PLXDC2: variants seen among roughly 807,000 people sequenced by gnomAD.
The protein encoded by PLXDC2 is plexin domain containing 2.
PLXDC2 carries 40 observed loss-of-function variants against 68.9 expected under a neutral mutation model. The observed-to-expected ratio is 0.58, with a 90% CI of 0.45 to 0.76. PLXDC2 has a LOEUF of 0.76. Among genes scored for constraint, PLXDC2 ranks in the 30% least tolerant of loss-of-function variants. The probability of loss-of-function intolerance (pLI) is 0.00; values close to 1 mark genes in which losing one functional copy is unlikely to be tolerated. For synonymous variants in PLXDC2, 243 were observed against 234.2 expected, an observed-to-expected ratio of 1.04 and a Z score of -0.34; for missense variants, 644 against 661.9, an observed-to-expected ratio of 0.97 and a Z score of 0.30.
chr10:20,149,214 C>CTTTTTT (rs71200985), intron 6 of PLXDC2, among the ~76,000 whole-genome samples: 16 of 112,126 alleles, frequency 1.4e-4, no homozygotes, highest in Middle Eastern at 5.5e-3. Context: ...ATTTTTCTTT[C>CTTTTTT]TTTTTTTTTC....
chr10:20,152,509 T>C (rs932042586), intron 6 of PLXDC2, among the ~76,000 whole-genome samples: 10 of 152,270 alleles, frequency 6.6e-5, no homozygotes, highest in African/African-American at 2.2e-4. Context: ...AGATAGAGTT[T>C]GCTTAGAAAT....
rs76595353 is a variant in PLXDC2 at position 19,832,862 on chromosome 10, C to T, written c.112+15671C>T. On this transcript the variant is annotated intron_variant, in intron 1 of 13. Transcript: ENST00000377252. ...GATTGTCTTGTGGTTGCTAAAAGGA[C>T]GCTTTTGACGCCAGATGGGCTTGAG... is the stretch of plus-strand genomic sequence containing the variant. Among the ~76,000 whole-genome samples, 1,006 of 152,286 alleles carry T rather than the reference C, an allele frequency of 6.6e-3. 10 individuals are homozygous for T. Among genetic ancestry groups the T allele is most frequent in the African/African-American group, 0.022 (925 of 41,556 alleles).
At chr10:19,966,172 G>C (rs1834245419) in intron 1 of PLXDC2, among the ~76,000 whole-genome samples, 1 of 143,140 alleles carries the variant, frequency 7.0e-6, no homozygotes. Flanking sequence ...ACATATACAT[G>C]TGTATATATA....
chr10:19,890,464 G>C (rs1037915062), intron 1 of PLXDC2, among the ~76,000 whole-genome samples: 1 of 151,154 alleles, frequency 6.6e-6, no homozygotes, highest in Admixed American at 6.6e-5. Flanking sequence ...ATGAGTTCCT[G>C]ATGTTTAGCT....
chr10:19,834,354 A>AGAGAGT (rs376125037), intron 1 of PLXDC2, among the ~76,000 whole-genome samples: 4,465 of 147,638 alleles, frequency 0.03, 126 homozygotes, highest in African/African-American at 0.091. Context: ...AGAGAGAGAG[A>AGAGAGT]GTGTGTGTGT....
intron 3 of PLXDC2, among the ~76,000 whole-genome samples, chr10:20,050,173 G>A (rs946525232): frequency 6.6e-6 from 1 of 151,970 alleles, no homozygotes; most frequent in Non-Finnish European, 1.5e-5. Context: ...GCAGATTGAA[G>A]CTGGATCCCT....
At chr10:19,955,532 G>T (rs924286290) in intron 1 of PLXDC2, among the ~76,000 whole-genome samples, 3 of 152,088 alleles carry the variant, frequency 2.0e-5, no homozygotes, top group Non-Finnish European at 2.9e-5. Context: ...CTTCATTCAG[G>T]TTAAGTGGCT....
intron 1 of PLXDC2, among the ~76,000 whole-genome samples, chr10:19,818,238 G>A (rs537395506): frequency 2.3e-4 from 29 of 128,768 alleles, no homozygotes; most frequent in African/African-American, 7.8e-4. Flanking sequence ...GTGTGTGTGT[G>A]TGTGTGTGTG....
intron 12 of PLXDC2, among the ~76,000 whole-genome samples, chr10:20,224,166 A>G (rs7076909): frequency 0.23 from 34,918 of 151,534 alleles, 4,081 homozygotes; most frequent in African/African-American, 0.27. Context: ...TAGAAATGGG[A>G]TTACGCCATG....
At chr10:20,260,414 TA>T (rs1835795282) in intron 13 of PLXDC2, among the ~76,000 whole-genome samples, 1 of 152,196 alleles carries the variant, frequency 6.6e-6, no homozygotes, top group Non-Finnish European at 1.5e-5. Flanking sequence ...ATTGATCTTT[TA>T]AAAAATTCCA....
chr10:20,189,542 TAC>T (rs371344350), intron 9 of PLXDC2, among the ~76,000 whole-genome samples: 30,215 of 118,862 alleles, frequency 0.25, 4,468 homozygotes, highest in Non-Finnish European at 0.37. Flanking sequence ...CACATATATA[TAC>T]ACACACACAC....
At chr10:19,821,926 T>A (rs1430400105) in intron 1 of PLXDC2, among the ~76,000 whole-genome samples, 1 of 152,160 alleles carries the variant, frequency 6.6e-6, no homozygotes, top group Non-Finnish European at 1.5e-5. Flanking sequence ...TTAAAAAAAA[T>A]TCTTTGTTTT....
chr10:20,017,137 T>A (rs1374813710), intron 2 of PLXDC2, among the ~76,000 whole-genome samples: 1 of 152,184 alleles, frequency 6.6e-6, no homozygotes, highest in African/African-American at 2.4e-5. Context: ...CCTTACTGAT[T>A]CCCGTTGGTG....
chr10:20,251,342 A>T (rs941839166), intron 13 of PLXDC2, among the ~76,000 whole-genome samples: 23 of 152,150 alleles, frequency 1.5e-4, no homozygotes, highest in Admixed American at 2.0e-4. Flanking sequence ...AAGTTTTTTT[A>T]AAAAAATGAA....
intron 1 of PLXDC2, among the ~76,000 whole-genome samples, chr10:19,823,413 GCTC>G (rs1411113486): frequency 6.6e-6 from 1 of 151,918 alleles, no homozygotes; most frequent in Non-Finnish European, 1.5e-5. Flanking sequence ...GGGCGTGGTG[GCTC>G]ACACCTGTGA....
At chr10:19,912,633 A>G (rs1833294798) in intron 1 of PLXDC2, among the ~76,000 whole-genome samples, 1 of 152,168 alleles carries the variant, frequency 6.6e-6, no homozygotes. Context: ...TCTTCCTTAA[A>G]GATCCTTATT....
At chr10:20,194,197 T>C (rs1254397776) in intron 9 of PLXDC2, among the ~76,000 whole-genome samples, 3 of 58,356 alleles carry the variant, frequency 5.1e-5, no homozygotes, top group Non-Finnish European at 1.7e-4. Context: ...CAGCTGTGTG[T>C]GTGTGTGTGT....
intron 6 of PLXDC2, among the ~76,000 whole-genome samples, chr10:20,154,060 A>C (rs561700133): frequency 6.6e-6 from 1 of 152,144 alleles, no homozygotes; most frequent in African/African-American, 2.4e-5. Context: ...GCCAAAAAAA[A>C]ACCGGATCCT....
At chr10:19,919,937 T>A (rs1833431092) in intron 1 of PLXDC2, among the ~76,000 whole-genome samples, 1 of 152,370 alleles carries the variant, frequency 6.6e-6, no homozygotes, top group East Asian at 1.9e-4. Context: ...GCAGAGTTGT[T>A]GATTTAGGAG....
Sources: gnomAD v4.1 joint callset for allele counts (sites outside exome capture counted in the v4.1 genomes callset) on GRCh38, gnomAD v4.1.1 for gene constraint, MANE v1.5 for transcripts, NCBI Gene and HGNC (gene_info 2026-07-23, HGNC 2026-07-21) for gene names.